The following AUTS2 variants were observed in gnomAD, a reference collection of about 807,000 sequenced individuals.
AUTS2 encodes the protein activator of transcription and developmental regulator AUTS2.
Under a neutral mutation model 112.4 loss-of-function variants are expected in AUTS2, and 17 were observed. The observed-to-expected ratio is 0.15, with a 90% confidence interval of 0.10 to 0.23. The LOEUF is 0.23. Ranked by LOEUF, AUTS2 falls within the 10% of genes least tolerant of loss-of-function variation. AUTS2 has a pLI of 1.00. For missense variants in AUTS2, 1,510 were observed against 1,701.6 expected (o/e 0.89, Z 1.98); for synonymous variants, 751 against 702.7 (o/e 1.07, Z -1.09).
In AUTS2 at chr7:70,333,807, G is replaced by T. The variant is rs142474585; in HGVS notation, c.661-101945G>T. 3.1e-4 allele frequency among the ~76,000 whole-genome samples: 47 copies of T among 152,230 alleles called. 1 individual carries two copies. The highest frequency in any genetic ancestry group is 5.3e-4 in the Non-Finnish European group (36 of 68,008). Reference sequence around the variant, plus strand: ...GAACATCACACACCAGGGCCTGTTGGGGGGTGGAGGGCTAGGGGAGGGATA... The same window carrying T: ...GAACATCACACACCAGGGCCTGTTGTGGGGTGGAGGGCTAGGGGAGGGATA... On this transcript the variant is annotated intron_variant, in intron 4 of 18. Transcript: ENST00000342771.
At chr7:69,743,574 C>T (rs1787358921) in intron 1 of AUTS2, among the ~76,000 whole-genome samples, 1 of 152,112 alleles carries the variant, frequency 6.6e-6, no homozygotes, top group Non-Finnish European at 1.5e-5. Context: ...GTCACCACTG[C>T]TATCAAGATA....
chr7:70,591,585 G>C (rs1167123413), intron 5 of AUTS2, among the ~76,000 whole-genome samples: 1 of 152,062 alleles, frequency 6.6e-6, no homozygotes, highest in Non-Finnish European at 1.5e-5. Flanking sequence ...TTTTAGTAGA[G>C]ACAGGGTTTC....
intron 1 of AUTS2, among the ~76,000 whole-genome samples, chr7:69,783,512 T>G (rs941280966): frequency 6.6e-6 from 1 of 152,026 alleles, no homozygotes; most frequent in Non-Finnish European, 1.5e-5. Flanking sequence ...GCGGCATCTT[T>G]CCAGGCCCTT....
intron 1 of AUTS2, among the ~76,000 whole-genome samples, chr7:69,688,117 AT>A (rs1261012466): frequency 6.6e-6 from 1 of 152,244 alleles, no homozygotes; most frequent in African/African-American, 2.4e-5. Context: ...TATGAAACTT[AT>A]GTTTACATGT....
chr7:69,670,533 G>C (rs1796270439), intron 1 of AUTS2, among the ~76,000 whole-genome samples: 1 of 119,080 alleles, frequency 8.4e-6, no homozygotes, highest in East Asian at 2.7e-4. Context: ...TTAGTAACAT[G>C]GTTGTTTTTT....
At chr7:69,760,197 C>CTT (rs375758180) in intron 1 of AUTS2, among the ~76,000 whole-genome samples, 20 of 121,062 alleles carry the variant, frequency 1.7e-4, no homozygotes, top group African/African-American at 3.6e-4. Context: ...TTCTTTTTTT[C>CTT]TTTTTTTTTT....
chr7:69,935,715 C>T (rs1245187318), intron 2 of AUTS2, among the ~76,000 whole-genome samples: 10 of 152,184 alleles, frequency 6.6e-5, no homozygotes, highest in East Asian at 5.8e-4. Context: ...AAAATACCTG[C>T]GGAATATGTA....
At chr7:69,806,111 T>C (rs2129343016) in intron 1 of AUTS2, among the ~76,000 whole-genome samples, 1 of 151,660 alleles carries the variant, frequency 6.6e-6, no homozygotes, top group South Asian at 2.1e-4. Context: ...GGTCTTGCTA[T>C]GTTGCCCAGG....
intron 4 of AUTS2, among the ~76,000 whole-genome samples, chr7:70,399,292 G>A (rs1794224918): frequency 6.6e-6 from 1 of 151,984 alleles, no homozygotes; most frequent in African/African-American, 2.4e-5. Context: ...ACCCAGCCAG[G>A]TCTTCCTTTT....
chr7:69,997,310 A>C (rs1047622444), intron 2 of AUTS2, among the ~76,000 whole-genome samples: 8 of 152,204 alleles, frequency 5.3e-5, no homozygotes, highest in Admixed American at 4.6e-4. Context: ...ATTAACATCT[A>C]CTTGGGGATG....
rs574215025 is a variant in AUTS2, at chr7:70,645,635, C to T, written c.691-52934C>T. Among the ~76,000 whole-genome samples the T allele has an allele frequency of 1.1e-4, 17 of 152,306 alleles. 1 individual carries two copies. In the South Asian group the frequency reaches 3.5e-3, roughly 32 times the overall value. On this transcript the variant is annotated intron_variant, in intron 5 of 18. Transcript: ENST00000342771. Reference sequence around the variant, plus strand: ...AGAGATGTATCTTGCCTTCCCTCCACCTTTCTTTGCCTTTGGCTTCTGACA... The same window carrying T: ...AGAGATGTATCTTGCCTTCCCTCCATCTTTCTTTGCCTTTGGCTTCTGACA...
chr7:70,434,691 G>A (rs1795817960), intron 4 of AUTS2, among the ~76,000 whole-genome samples: 2 of 152,152 alleles, frequency 1.3e-5, no homozygotes, highest in African/African-American at 4.8e-5. Context: ...TCATCCTCAT[G>A]GAAGCAGCTC....
At chr7:70,496,681 C>CCCT (rs1384953693) in intron 5 of AUTS2, among the ~76,000 whole-genome samples, 1 of 133,654 alleles carries the variant, frequency 7.5e-6, no homozygotes, top group African/African-American at 2.8e-5. Flanking sequence ...ATCACACACC[C>CCCT]CACTCACACC....
At chr7:69,738,787 C>T (rs762296679) in intron 1 of AUTS2, among the ~76,000 whole-genome samples, 1 of 152,040 alleles carries the variant, frequency 6.6e-6, no homozygotes, top group Middle Eastern at 3.2e-3. Flanking sequence ...ACTACTCTAA[C>T]GGTTTTTTTT....
chr7:69,830,978 G>A (rs1340346675), intron 1 of AUTS2, among the ~76,000 whole-genome samples: 4 of 152,148 alleles, frequency 2.6e-5, no homozygotes, highest in Non-Finnish European at 5.9e-5. Context: ...GAGGTAGAGA[G>A]CCAGGAGACC....
intron 4 of AUTS2, among the ~76,000 whole-genome samples, chr7:70,232,024 C>T (rs1317738490): frequency 6.6e-6 from 1 of 152,182 alleles, no homozygotes; most frequent in African/African-American, 2.4e-5. Context: ...CCGCCCACCT[C>T]AGCCTCCCTA....
intron 5 of AUTS2, among the ~76,000 whole-genome samples, chr7:70,652,898 A>G (rs1015074154): frequency 3.3e-5 from 5 of 152,124 alleles, no homozygotes; most frequent in Admixed American, 3.3e-4. Flanking sequence ...TGTAATGTAC[A>G]TACTCTTTCC....
chr7:70,006,230 A>C (rs1799538478), intron 2 of AUTS2, among the ~76,000 whole-genome samples: 1 of 152,184 alleles, frequency 6.6e-6, no homozygotes, highest in Non-Finnish European at 1.5e-5. Flanking sequence ...GAAGGATACA[A>C]CTGGAAAAAA....
chr7:70,493,397 G>C (rs1026051030), intron 5 of AUTS2, among the ~76,000 whole-genome samples: 5 of 152,322 alleles, frequency 3.3e-5, no homozygotes, highest in Admixed American at 3.3e-4. Context: ...CTAAGTGAGT[G>C]CATGGATAGA....
Sources: allele counts gnomAD v4.1 joint callset (sites outside exome capture counted in the v4.1 genomes callset), GRCh38; gene constraint gnomAD v4.1.1; transcripts MANE v1.5; gene names NCBI Gene and HGNC (gene_info 2026-07-23, HGNC 2026-07-21).